ARHGEF26: variants seen among roughly 807,000 people sequenced by gnomAD.
ARHGEF26 encodes the protein Rho guanine nucleotide exchange factor 26, also known as Rho guanine nucleotide exchange factor (GEF) 26.
Under a neutral mutation model 89.4 loss-of-function variants are expected in ARHGEF26, and 59 were observed. That is an observed-to-expected ratio of 0.66 (90% CI 0.54 to 0.82). ARHGEF26 has a LOEUF of 0.82. Ranked by LOEUF, ARHGEF26 falls within the 40% of genes least tolerant of loss-of-function variation. ARHGEF26 has a pLI of 0.00. For missense variants in ARHGEF26, 1,234 were observed against 1,085.6 expected (o/e 1.14, Z -1.92); for synonymous variants, 500 against 428.4 (o/e 1.17, Z -2.06).
At chr3:154,243,334 G>T (rs781449241) in intron 12 of ARHGEF26, among the ~76,000 whole-genome samples, 10 of 152,138 alleles carry the variant, frequency 6.6e-5, no homozygotes, top group Non-Finnish European at 1.3e-4. Context: ...GGTTTACAAG[G>T]ATTGTTTGTT....
intron 6 of ARHGEF26, among the ~76,000 whole-genome samples, chr3:154,173,623 CT>C (rs1306116062): frequency 1.3e-5 from 2 of 152,340 alleles, no homozygotes; most frequent in African/African-American, 4.8e-5. Flanking sequence ...CTGGCATTCT[CT>C]TCCCTCTTTA....
rs186087528 is a variant in ARHGEF26 at position 154,136,343 on chromosome 3, C to T, written c.1269+6624C>T. ...GTATTTTAATTAAAGTATTTTTCAG[C>T]TCTGTGCTAAGTGTGACTAACAGTG... On this transcript the variant is annotated intron_variant, in intron 4 of 14. Coordinates refer to ENST00000465093, the MANE Select transcript of ARHGEF26 (RefSeq NM_015595.4). Among the ~76,000 whole-genome samples, 171 of 70,500 alleles carry T rather than the reference C, an allele frequency of 2.4e-3. 2 individuals are homozygous for T. The South Asian group carries it at 0.049, about 20-fold the overall frequency. The allele number at this position is 70,500 out of a possible 152,430, so 46.3% of individuals were successfully genotyped here.
Position 154,256,699 on chromosome 3 carries a change from A to G in ARHGEF26, c.*1226A>G. The G allele has an allele frequency of 1.5e-6, 2 of 1,327,144 alleles. No homozygotes were observed. The highest frequency in any genetic ancestry group is 1.9e-6 in the Non-Finnish European group (2 of 1,044,040). 82.2% of individuals were successfully genotyped at this position (1,327,144 alleles called of 1,614,324 possible). A position where few individuals can be genotyped will look rare whatever the true frequency, so the allele number is the denominator to read the frequency against. On this transcript the variant is annotated 3_prime_UTR_variant, in exon 15 of 15. Coordinates refer to ENST00000465093, the MANE Select transcript of ARHGEF26 (RefSeq NM_015595.4). ...GCTGGAACACACTACAGTAATCTCAAGGAAGGGAAAATTAGGCCTTAAAAG... is the reference window on the plus strand; with the variant it reads ...GCTGGAACACACTACAGTAATCTCAGGGAAGGGAAAATTAGGCCTTAAAAG...
In ARHGEF26 at chr3:154,122,595, G is replaced by A. The variant is rs760553634; in HGVS notation, c.603G>A (p.Gly201=). The change falls in exon 2 of 15, where the codon GGG becomes GGA. Residue 201 remains glycine (G), a synonymous_variant. Coordinates refer to ENST00000465093, the MANE Select transcript of ARHGEF26 (RefSeq NM_015595.4). ...GGAAGGCAAAGGACCCCGAACGGGG[G>A]CTCTTTCCTGGGCCCCAGAAAAGTT... ...SGRKAKDPER[G]LFPGPQKSSS... 1.9e-6 allele frequency: 3 copies of A among 1,613,640 alleles called. No individual in the cohort carries two copies. The highest frequency in any genetic ancestry group is 1.1e-5 in the South Asian group (1 of 91,074).
chr3:154,173,093 T>A (rs1314359830), intron 6 of ARHGEF26, among the ~76,000 whole-genome samples: 1 of 152,188 alleles, frequency 6.6e-6, no homozygotes, highest in African/African-American at 2.4e-5. Flanking sequence ...TATAGTATAT[T>A]CAGTCAAGTA....
At chr3:154,222,035 A>G (rs911007559) in intron 10 of ARHGEF26, among the ~76,000 whole-genome samples, 1 of 152,226 alleles carries the variant, frequency 6.6e-6, no homozygotes, top group Non-Finnish European at 1.5e-5. Context: ...GAACCCTATA[A>G]TGTACCCTTA....
intron 5 of ARHGEF26, among the ~76,000 whole-genome samples, chr3:154,151,751 T>C (rs974161564): frequency 3.3e-5 from 5 of 152,310 alleles, no homozygotes; most frequent in Admixed American, 2.6e-4. Context: ...TTATAAAATA[T>C]GGAGCACCCA....
At chr3:154,213,170 T>C (rs1219760019) in intron 9 of ARHGEF26, among the ~76,000 whole-genome samples, 1 of 151,868 alleles carries the variant, frequency 6.6e-6, no homozygotes. Context: ...AAAGACTTTG[T>C]GTTTTAATTT....
intron 6 of ARHGEF26, among the ~76,000 whole-genome samples, chr3:154,158,907 C>T (rs1178525624): frequency 6.6e-6 from 1 of 151,996 alleles, no homozygotes; most frequent in Non-Finnish European, 1.5e-5. Flanking sequence ...GATTAACTTA[C>T]AATGATTTGC....
At chr3:154,217,740 G>C (rs1229691280) in intron 9 of ARHGEF26, 129 bp from the exon 10 acceptor site, 1 of 699,422 alleles carries the variant, frequency 1.4e-6, no homozygotes, top group Non-Finnish European at 2.5e-6. Context: ...GTGAAAAACT[G>C]TGAGTTCTCT....
rs1553747872 is a variant in ARHGEF26, at chr3:154,213,216, A to AGAGTGTGT, written c.1846-4652_1846-4651insAGTGTGTG. On this transcript the variant is annotated intron_variant, in intron 9 of 14. Transcript: ENST00000465093. ...ACGAGTAACATAGAGAGAGAGAGAG[A>AGAGTGTGT]GTGTGTGTGTGTGTGTGTGTGTGTG... 3.9e-3 allele frequency among the ~76,000 whole-genome samples: 560 copies of AGAGTGTGT among 141,986 alleles called. 3 individuals are homozygous for AGAGTGTGT. The highest frequency in any genetic ancestry group is 0.014 in the African/African-American group (537 of 38,980). The allele number at this position is 141,986 out of a possible 152,430, so 93.1% of individuals were successfully genotyped here.
At chr3:154,189,038 T>C (rs901786379) in intron 7 of ARHGEF26, among the ~76,000 whole-genome samples, 12 of 152,092 alleles carry the variant, frequency 7.9e-5, no homozygotes, top group African/African-American at 2.7e-4. Flanking sequence ...CCCCTGAGGG[T>C]AAAACCACAC....
intron 6 of ARHGEF26, among the ~76,000 whole-genome samples, chr3:154,185,056 G>A (rs116214099): frequency 2.0e-3 from 303 of 152,120 alleles, no homozygotes; most frequent in African/African-American, 6.9e-3. Context: ...CAGCTTACAC[G>A]TGTCCTTACC....
Position 154,254,813 on chromosome 3 carries a change from G to T in ARHGEF26, c.2462G>T (p.Arg821Leu), listed in dbSNP as rs200864734. 1.2e-6 allele frequency: 2 copies of T among 1,613,588 alleles called. No individual in the cohort carries two copies. Among genetic ancestry groups the T allele is most frequent in the Non-Finnish European group, 8.5e-7 (1 of 1,179,746 alleles). Reference protein sequence around the residue: ...QVADVVLIYQRVSDGWYEGER... With the variant: ...QVADVVLIYQLVSDGWYEGER... ...GCTGACGTCGTCCTCATCTATCAAC[G>T]TGTCAGCGATGGTGAGTGGGAGCGT... The change falls in exon 14 of 15, where the codon CGT becomes CTT. Residue 821 changes from arginine to leucine, a missense_variant. Transcript: ENST00000465093.
At chr3:154,126,414 C>T (rs1560038597) in intron 3 of ARHGEF26, among the ~76,000 whole-genome samples, 1 of 152,126 alleles carries the variant, frequency 6.6e-6, no homozygotes, top group African/African-American at 2.4e-5. Context: ...TTAACACCTC[C>T]CTCTCTCTGC....
Position 154,222,414 on chromosome 3 carries a change from C to G in ARHGEF26, c.1936-3442C>G, listed in dbSNP as rs138687615. Among the ~76,000 whole-genome samples, 41 of 152,314 alleles carry G rather than the reference C, an allele frequency of 2.7e-4. 1 individual carries two copies. The East Asian group carries it at 7.7e-3, about 29-fold the overall frequency. ...TTAGAGCACAGGCTCCAGAACTGAC[C>G]TGCCTGAGTTGCAGTAGAAGCTCCA... On this transcript the variant is annotated intron_variant, in intron 10 of 14. Transcript: ENST00000465093.
rs71152796 is a variant in ARHGEF26, at chr3:154,237,538, T to TCACACACACACACACACA, written c.2091-2814_2091-2797dup. The stretch of plus-strand genomic sequence containing the variant: ...GCCTGGGTGACAGAGTGAGACTCCG[T>TCACACACACACACACACA]CACACACACACACACACACACACAC... On this transcript the variant is annotated intron_variant, in intron 11 of 14. Transcript: ENST00000465093. 8.4e-4 allele frequency among the ~76,000 whole-genome samples: 120 copies of TCACACACACACACACACA among 143,294 alleles called. 1 individual carries two copies. Among genetic ancestry groups the TCACACACACACACACACA allele is most frequent in the East Asian group, 1.5e-3 (7 of 4,656 alleles). 94.0% of individuals were successfully genotyped at this position (143,294 alleles called of 152,430 possible). A position where few individuals can be genotyped will look rare whatever the true frequency, so the allele number is the denominator to read the frequency against.
At chr3:154,174,632 T>A (rs1712684131) in intron 6 of ARHGEF26, among the ~76,000 whole-genome samples, 1 of 152,224 alleles carries the variant, frequency 6.6e-6, no homozygotes, top group Non-Finnish European at 1.5e-5. Context: ...TGCTGATCTT[T>A]CCTTCATTTT....
intron 11 of ARHGEF26, among the ~76,000 whole-genome samples, chr3:154,236,573 G>C (rs1393183930): frequency 6.6e-6 from 1 of 152,162 alleles, no homozygotes; most frequent in Non-Finnish European, 1.5e-5. Context: ...AAACGATAGA[G>C]ACAAACATGG....
Sources: allele counts gnomAD v4.1 joint callset (sites outside exome capture counted in the v4.1 genomes callset), GRCh38; gene constraint gnomAD v4.1.1; transcripts MANE v1.5; gene names NCBI Gene and HGNC (gene_info 2026-07-23, HGNC 2026-07-21).